RFC1: variants seen among roughly 807,000 people sequenced by gnomAD.
The protein encoded by RFC1 is replication factor C subunit 1.
Under a neutral mutation model 137.4 loss-of-function variants are expected in RFC1, and 37 were observed. The ratio of observed to expected loss-of-function variants is 0.27; its 90% CI spans 0.21 to 0.35. RFC1 has a LOEUF of 0.35. RFC1 is among the 10% of genes least tolerant of loss of function. The pLI is 1.00. For synonymous variants in RFC1, 429 were observed against 455.7 expected (o/e 0.94, Z 0.75); for missense variants, 1,205 against 1,358.5 (o/e 0.89, Z 1.78).
intron 12 of RFC1, among the ~76,000 whole-genome samples, chr4:39,311,155 T>C (rs574370981): frequency 3.3e-5 from 5 of 152,054 alleles, no homozygotes; most frequent in Non-Finnish European, 4.4e-5. Context: ...AATTAAAAAA[T>C]AGTAGTAATA....
At chr4:39,324,058 T>C (rs1415417926) in intron 6 of RFC1, among the ~76,000 whole-genome samples, 1 of 152,168 alleles carries the variant, frequency 6.6e-6, no homozygotes, top group African/African-American at 2.4e-5. Context: ...TTCAGCAAAA[T>C]GGAGCTCTTC....
rs1437200406 is a variant in RFC1 at position 39,342,241 on chromosome 4, G to C, written c.331+104C>G. On this transcript the variant is annotated intron_variant, in intron 4 of 24. Coordinates refer to ENST00000349703, the MANE Select transcript of RFC1 (RefSeq NM_002913.5). ...AAATATAACTCAACAAAGCAAAAAG[G>C]CAGTAGAAATTCCATTCAAAGTGAA... 2.3e-6 allele frequency: 3 copies of C among 1,294,366 alleles called. No homozygotes were observed. The African/African-American group carries it at 4.5e-5, about 19-fold the overall frequency. The allele number at this position is 1,294,366 out of a possible 1,614,324, so 80.2% of individuals were successfully genotyped here.
At chr4:39,366,213 C>T (rs770750686) in intron 1 of RFC1, 26 bp downstream of exon 1, 10 of 1,554,082 alleles carry the variant, frequency 6.4e-6, no homozygotes, top group South Asian at 4.7e-5. Flanking sequence ...AGACCCCGAG[C>T]CGCACGGCCT....
chr4:39,336,405 G>C (rs1449960989), intron 4 of RFC1, among the ~76,000 whole-genome samples: 2 of 152,202 alleles, frequency 1.3e-5, no homozygotes, highest in Non-Finnish European at 2.9e-5. Context: ...GCAGCATATG[G>C]CACTCAACTG....
chr4:39,301,621 C>G (rs1738366156), intron 19 of RFC1, among the ~76,000 whole-genome samples: 1 of 152,140 alleles, frequency 6.6e-6, no homozygotes, highest in Non-Finnish European at 1.5e-5. Flanking sequence ...CCAGGCTGGT[C>G]TCAAACTCCT....
intron 21 of RFC1, among the ~76,000 whole-genome samples, chr4:39,296,871 A>G (rs1738041445): frequency 6.6e-6 from 1 of 150,972 alleles, no homozygotes; most frequent in Admixed American, 6.6e-5. Context: ...TCCCACCAAC[A>G]ATGTAAAAGT....
intron 21 of RFC1, among the ~76,000 whole-genome samples, chr4:39,298,141 T>A (rs1033956819): frequency 2.6e-5 from 4 of 152,050 alleles, no homozygotes; most frequent in Non-Finnish European, 5.9e-5. Flanking sequence ...AAACCCCGTC[T>A]CTACAACGAA....
In RFC1 at chr4:39,356,000, CA is replaced by C. The variant is rs34018537; in HGVS notation, c.4-4525del. 672 of 84,526 alleles carry C rather than the reference CA, an allele frequency of 8.0e-3. 5 individuals are homozygous for C. The highest frequency in any genetic ancestry group is 0.032 in the African/African-American group (550 of 17,444). 5.2% of individuals were successfully genotyped at this position (84,526 alleles called of 1,614,324 possible). A position where few individuals can be genotyped will look rare whatever the true frequency, so the allele number is the denominator to read the frequency against. On this transcript the variant is annotated intron_variant, in intron 1 of 24. Coordinates refer to ENST00000349703, the MANE Select transcript of RFC1 (RefSeq NM_002913.5). ...CTGGTGACAGAGCGAGACTTCACCT[CA>C]AAAAAAAAAAAAAAAAACACTGGTA...
chr4:39,311,206 T>C (rs1238300590), intron 12 of RFC1, among the ~76,000 whole-genome samples: 3 of 152,128 alleles, frequency 2.0e-5, no homozygotes, highest in Non-Finnish European at 2.9e-5. Flanking sequence ...TAAGTAGATA[T>C]GTTATATGCA....
At position 39,347,710 on chromosome 4, in the gene RFC1, TGAAGA is replaced by T. The variant is rs373899484; in HGVS notation, c.133-2239_133-2235del. Among the ~76,000 whole-genome samples, 14 of 152,224 alleles carry T rather than the reference TGAAGA, an allele frequency of 9.2e-5. No individual in the cohort carries two copies. The East Asian group carries it at 1.7e-3, about 19-fold the overall frequency. On this transcript the variant is annotated intron_variant, in intron 2 of 24. Coordinates refer to ENST00000349703, the MANE Select transcript of RFC1 (RefSeq NM_002913.5). ...TAAATGTAATAACAATGAGAGCTGA[TGAAGA>T]GAAGAGAAGAGCTAGAGAAGAAGCC...
At chr4:39,297,643 T>C (rs1738088979) in intron 21 of RFC1, 1 of 152,410 alleles carries the variant, frequency 6.6e-6, no homozygotes, top group Non-Finnish European at 1.5e-5. Context: ...GTGTCATCCT[T>C]GCACAGGGGC....
chr4:39,335,606 G>A (rs956800984), intron 4 of RFC1, among the ~76,000 whole-genome samples: 5 of 152,152 alleles, frequency 3.3e-5, no homozygotes, highest in East Asian at 1.9e-4. Flanking sequence ...CACAGGTACC[G>A]AGTCCACTGG....
chr4:39,288,707 C>G lies in RFC1; in HGVS notation c.*54G>C. On this transcript the variant is annotated 3_prime_UTR_variant, in exon 25 of 25. Coordinates refer to ENST00000349703, the MANE Select transcript of RFC1 (RefSeq NM_002913.5). ...AAAAACAAGGCTTTCTCTAGACCAG[C>G]TGGACTGGTCAGGAGGGAGAGTAAA... 2 of 1,119,466 alleles carry G rather than the reference C, an allele frequency of 1.8e-6. No homozygotes were observed. Among genetic ancestry groups the G allele is most frequent in the Non-Finnish European group, 2.7e-6 (2 of 740,548 alleles). 69.3% of individuals were successfully genotyped at this position (1,119,466 alleles called of 1,614,324 possible). A position where few individuals can be genotyped will look rare whatever the true frequency, so the allele number is the denominator to read the frequency against.
chr4:39,315,546 T>C (rs1739196833), intron 10 of RFC1, among the ~76,000 whole-genome samples: 1 of 152,182 alleles, frequency 6.6e-6, no homozygotes, highest in South Asian at 2.1e-4. Context: ...TATCTGCTTG[T>C]CTACTCAGCA....
chr4:39,309,767 T>C (rs1738876404), intron 12 of RFC1, among the ~76,000 whole-genome samples: 1 of 152,230 alleles, frequency 6.6e-6, no homozygotes, highest in Non-Finnish European at 1.5e-5. Flanking sequence ...CTCTTGTTAA[T>C]ATACTAAAAA....
chr4:39,334,651 C>T (rs577199890), intron 4 of RFC1, among the ~76,000 whole-genome samples: 1 of 152,212 alleles, frequency 6.6e-6, no homozygotes, highest in African/African-American at 2.4e-5. Flanking sequence ...TCTCTTCTCC[C>T]CAGAAACTTA....
intron 5 of RFC1, 104 bp from the exon 6 acceptor site, chr4:39,326,744 T>C: frequency 2.4e-6 from 2 of 834,938 alleles, no homozygotes; most frequent in East Asian, 2.7e-5. Context: ...GAGAGATAAG[T>C]GTATCTATCA....
intron 22 of RFC1, 41 bp from the exon 23 acceptor site, chr4:39,291,893 T>A: frequency 1.4e-6 from 2 of 1,402,992 alleles, no homozygotes; most frequent in Non-Finnish European, 2.0e-6. Context: ...CAGCAAAGTA[T>A]CAACTCAAGT....
At chr4:39,302,652 T>C (rs566428225) in intron 17 of RFC1, 57 bp from the exon 18 acceptor site, 2 of 1,494,688 alleles carry the variant, frequency 1.3e-6, no homozygotes, top group South Asian at 2.5e-5. Flanking sequence ...ATCAGGTATT[T>C]TAAAAATATT....
Sources: allele counts gnomAD v4.1 joint callset (sites outside exome capture counted in the v4.1 genomes callset), GRCh38; gene constraint gnomAD v4.1.1; transcripts MANE v1.5; gene names NCBI Gene and HGNC (gene_info 2026-07-23, HGNC 2026-07-21).